BTG2: variants seen among roughly 807,000 people sequenced by gnomAD.
BTG2 encodes the protein protein BTG2.
BTG2 carries 9 observed loss-of-function variants against 13.1 expected under a neutral mutation model. That is an observed-to-expected ratio of 0.69 (90% confidence interval 0.41 to 1.20). The LOEUF is 1.20. BTG2 is among the 50% of genes most tolerant of loss of function. The pLI, the probability that BTG2 is intolerant of heterozygous loss-of-function variation, is 0.00. For synonymous variants in BTG2, 92 were observed against 88.6 expected (o/e 1.04, Z -0.21); for missense variants, 200 against 209.5 (o/e 0.95, Z 0.28).
chr1:203,306,565 T>C (rs1374255264), intron 1 of BTG2, among the ~76,000 whole-genome samples: 1 of 152,224 alleles, frequency 6.6e-6, no homozygotes. Flanking sequence ...AGGAAGGTTC[T>C]CTGACTCTTC....
At chr1:203,306,370 G>C (rs1350899842) in intron 1 of BTG2, among the ~76,000 whole-genome samples, 2 of 152,212 alleles carry the variant, frequency 1.3e-5, no homozygotes, top group South Asian at 2.1e-4. Context: ...CAAGTTGGGA[G>C]GTGAAGAGAT....
At position 203,305,550 on chromosome 1, in the gene BTG2, CT is replaced by C. The variant is rs1297232525; in HGVS notation, c.-55del. 6.4e-7 allele frequency: 1 copy of C among 1,560,486 alleles called. No homozygotes were observed. The highest frequency in any genetic ancestry group is 8.7e-7 in the Non-Finnish European group (1 of 1,152,326). On this transcript the variant is annotated 5_prime_UTR_variant, in exon 1 of 2. Coordinates refer to ENST00000290551, the MANE Select transcript of BTG2 (RefSeq NM_006763.3). ...CGAGCAGCGGCCAGGGTAACGCTGT[CT>C]TGTGGACCCGCACTTCCCACCCGAG...
intron 1 of BTG2, 143 bp downstream of exon 1, chr1:203,305,891 C>G (rs1658249418): frequency 8.3e-7 from 1 of 1,201,616 alleles, no homozygotes; most frequent in South Asian, 1.6e-5. Context: ...CGGGGCGGCC[C>G]GCAGTCCCCA....
intron 1 of BTG2, 33 bp from the exon 2 acceptor site, chr1:203,307,071 C>T (rs771079225): frequency 1.3e-6 from 2 of 1,591,866 alleles, no homozygotes; most frequent in Admixed American, 3.4e-5. Flanking sequence ...GCTGCTCTAA[C>T]CAGGGCATCT....
In BTG2 at chr1:203,305,671, G is replaced by A. The variant is rs1328735993; in HGVS notation, c.65G>A (p.Ser22Asn). ...EIAAAVGFLSSLLRTRGCVSE... is the reference protein window; with the variant it reads ...EIAAAVGFLSNLLRTRGCVSE... ...GCCGCCGCCGTGGGCTTCCTCTCCA[G>A]CCTCCTGAGGACCCGGGGCTGCGTG... The change falls in exon 1 of 2, where the codon AGC becomes AAC. Residue 22 changes from serine (S) to asparagine (N), a missense_variant. By Grantham distance (46) the Ser-to-Asn change is conservative (BLOSUM62 1). Transcript: ENST00000290551. 2 of 1,571,846 alleles carry A rather than the reference G, an allele frequency of 1.3e-6. No individual in the cohort carries two copies. The highest frequency in any genetic ancestry group is 1.7e-6 in the Non-Finnish European group (2 of 1,158,814).
intron 1 of BTG2, among the ~76,000 whole-genome samples, chr1:203,306,820 A>ACACTCT (rs1553281849): frequency 9.2e-6 from 1 of 108,652 alleles, no homozygotes; most frequent in Non-Finnish European, 2.1e-5. Context: ...ACACACACAC[A>ACACTCT]CTCTCTCTCT....
intron 1 of BTG2, 151 bp from the exon 2 acceptor site, chr1:203,306,953 A>G (rs1024816908): frequency 3.0e-6 from 2 of 656,896 alleles, no homozygotes; most frequent in African/African-American, 1.8e-5. Context: ...CTAAGTGGAA[A>G]GAGGGTCCTA....
At position 203,307,471 on chromosome 1, in the gene BTG2, C is replaced by A; in HGVS notation, c.*33C>A. Reference sequence around the variant, plus strand: ...CGCCCCCGCCCTGGGCGCCGCCGTGCTCATGCTGCCGTGACAACAGGCCAC... The same window carrying A: ...CGCCCCCGCCCTGGGCGCCGCCGTGATCATGCTGCCGTGACAACAGGCCAC... On this transcript the variant is annotated 3_prime_UTR_variant, in exon 2 of 2. Transcript: ENST00000290551. 6.5e-7 allele frequency: 1 copy of A among 1,533,678 alleles called. No homozygotes were observed. Among genetic ancestry groups the A allele is most frequent in the Non-Finnish European group, 8.8e-7 (1 of 1,136,880 alleles).
At chr1:203,306,153 T>G (rs1571500563) in intron 1 of BTG2, among the ~76,000 whole-genome samples, 1 of 152,260 alleles carries the variant, frequency 6.6e-6, no homozygotes, top group African/African-American at 2.4e-5. Context: ...GAAGGTGCAG[T>G]CGAGCCTTTT....
At position 203,305,539 on chromosome 1, in the gene BTG2, G is replaced by A; in HGVS notation, c.-68G>A. On this transcript the variant is annotated 5_prime_UTR_variant, in exon 1 of 2. Coordinates refer to ENST00000290551, the MANE Select transcript of BTG2 (RefSeq NM_006763.3). ...CGGGCAGAGCCCGAGCAGCGGCCAG[G>A]GTAACGCTGTCTTGTGGACCCGCAC... 1.3e-6 allele frequency: 2 copies of A among 1,534,054 alleles called. No homozygotes were observed. The highest frequency in any genetic ancestry group is 1.4e-5 in the African/African-American group (1 of 72,200).
chr1:203,305,560 C>G lies in BTG2; in HGVS notation c.-47C>G, dbSNP rs1378175539. ...CCAGGGTAACGCTGTCTTGTGGACCCGCACTTCCCACCCGAGACCTCTCAC... is the reference window on the plus strand; with the variant it reads ...CCAGGGTAACGCTGTCTTGTGGACCGGCACTTCCCACCCGAGACCTCTCAC... On this transcript the variant is annotated 5_prime_UTR_variant, in exon 1 of 2. Transcript: ENST00000290551. The G allele has an allele frequency of 6.4e-7, 1 of 1,574,210 alleles. No homozygotes were observed. Among genetic ancestry groups the G allele is most frequent in the South Asian group, 1.2e-5 (1 of 86,592 alleles).
At chr1:203,306,079 C>G (rs1658255834) in intron 1 of BTG2, among the ~76,000 whole-genome samples, 1 of 152,288 alleles carries the variant, frequency 6.6e-6, no homozygotes, top group African/African-American at 2.4e-5. Context: ...CCCTCGAGAT[C>G]TTAAGACCCT....
intron 1 of BTG2, among the ~76,000 whole-genome samples, chr1:203,306,409 A>G (rs1472995123): frequency 6.7e-6 from 1 of 150,280 alleles, no homozygotes; most frequent in Non-Finnish European, 1.5e-5. Context: ...CTGGGGAGAG[A>G]CCTCTCTCCC....
chr1:203,307,089 G>T lies in BTG2; in HGVS notation c.143-15G>T. ...GCTCTAACCAGGGCATCTGCCCCTG[G>T]TCCTGTCTCCACAGAGCACTACAAA... On this transcript the variant is annotated splice_polypyrimidine_tract_variant and intron_variant, in intron 1 of 1. Coordinates refer to ENST00000290551, the MANE Select transcript of BTG2 (RefSeq NM_006763.3). 3 of 1,610,100 alleles carry T rather than the reference G, an allele frequency of 1.9e-6. No individual in the cohort carries two copies. Among genetic ancestry groups the T allele is most frequent in the South Asian group, 1.1e-5 (1 of 90,732 alleles).
Position 203,305,757 on chromosome 1 carries a change from A to T in BTG2, c.142+9A>T. Reference sequence around the variant, plus strand: ...CCAGGAGGCACTCACAGGTGAGCGCATGCCGAGGGGCCTGGCGCCACCGGG... The same window carrying T: ...CCAGGAGGCACTCACAGGTGAGCGCTTGCCGAGGGGCCTGGCGCCACCGGG... On this transcript the variant is annotated intron_variant, in intron 1 of 1. Coordinates refer to ENST00000290551, the MANE Select transcript of BTG2 (RefSeq NM_006763.3). 1 of 1,543,350 alleles carries T rather than the reference A, an allele frequency of 6.5e-7. No homozygotes were observed. Among genetic ancestry groups the T allele is most frequent in the Non-Finnish European group, 8.7e-7 (1 of 1,144,346 alleles).
At chr1:203,305,944 C>T (rs1658251272) in intron 1 of BTG2, among the ~76,000 whole-genome samples, 196 bp downstream of exon 1, 2 of 152,256 alleles carry the variant, frequency 1.3e-5, no homozygotes, top group South Asian at 2.1e-4. Flanking sequence ...CGGGTCTCGG[C>T]CGTGGCGGTT....
At position 203,306,984 on chromosome 1, in the gene BTG2, C is replaced by T. The variant is rs1370186519; in HGVS notation, c.143-120C>T. On this transcript the variant is annotated intron_variant, in intron 1 of 1. Coordinates refer to ENST00000290551, the MANE Select transcript of BTG2 (RefSeq NM_006763.3). ...TCCTAGAACTCAGAGGAATCCACCT[C>T]CCTTACTTAAAGGGCCCCTTTCTCT... The T allele has an allele frequency of 9.5e-5, 76 of 797,598 alleles. 1 individual carries two copies. In the Admixed American group the frequency reaches 2.1e-3, roughly 22 times the overall value. 49.4% of individuals were successfully genotyped at this position (797,598 alleles called of 1,614,324 possible). A position where few individuals can be genotyped will look rare whatever the true frequency, so the allele number is the denominator to read the frequency against.
In BTG2 at chr1:203,307,553, A is replaced by T. The variant is rs954227723; in HGVS notation, c.*115A>T. On this transcript the variant is annotated 3_prime_UTR_variant, in exon 2 of 2. Coordinates refer to ENST00000290551, the MANE Select transcript of BTG2 (RefSeq NM_006763.3). ...AAATGAAGAGCTATTTATATATATT[A>T]TTTTTTTTTAAGAAAGGAGGAAAAG... is the stretch of plus-strand genomic sequence containing the variant. 1.1e-4 allele frequency: 90 copies of T among 784,722 alleles called. No homozygotes were observed. The highest frequency in any genetic ancestry group is 5.3e-4 in the East Asian group (16 of 30,188). The allele number at this position is 784,722 out of a possible 1,614,324, so 48.6% of individuals were successfully genotyped here. A position where few individuals can be genotyped will look rare whatever the true frequency, so the allele number is the denominator to read the frequency against.
At chr1:203,306,114 C>G (rs1016739772) in intron 1 of BTG2, among the ~76,000 whole-genome samples, 1 of 152,076 alleles carries the variant, frequency 6.6e-6, no homozygotes, top group Non-Finnish European at 1.5e-5. Context: ...GCGGGCCGCC[C>G]GGTCGGCCGA....
Sources: allele counts gnomAD v4.1 joint callset (sites outside exome capture counted in the v4.1 genomes callset), GRCh38; gene constraint gnomAD v4.1.1; transcripts MANE v1.5; gene names NCBI Gene and HGNC (gene_info 2026-07-23, HGNC 2026-07-21).